Variants in ACSS2 observed in about 807,000 individuals in gnomAD.
ACSS2 encodes acetyl-coenzyme A synthetase, cytoplasmic.
A neutral mutation model predicts 90.6 loss-of-function variants in ACSS2; 58 were observed. The observed-to-expected ratio is 0.64, with a 90% CI of 0.52 to 0.80. The LOEUF (loss-of-function observed/expected upper bound fraction) is 0.80, where lower values mean the gene tolerates loss of function less well. Among genes scored for constraint, ACSS2 ranks in the 30% least tolerant of loss-of-function variants. The pLI is 0.00. For missense variants in ACSS2, 759 were observed against 912.0 expected, an observed-to-expected ratio of 0.83 and a Z score of 2.16; for synonymous variants, 300 against 330.9, an observed-to-expected ratio of 0.91 and a Z score of 1.01.
intron 1 of ACSS2, among the ~76,000 whole-genome samples, chr20:34,878,418 T>C (rs1046023874): frequency 1.6e-4 from 25 of 152,356 alleles, no homozygotes; most frequent in Non-Finnish European, 3.1e-4. Flanking sequence ...ATCTATAAGA[T>C]AGGTCTAGTA....
chr20:34,907,845 C>G (rs764786150), intron 2 of ACSS2, among the ~76,000 whole-genome samples: 18 of 152,200 alleles, frequency 1.2e-4, no homozygotes, highest in Non-Finnish European at 1.8e-4. Context: ...TTTGGCTTCT[C>G]TCATCCCTAG....
chr20:34,915,313 C>T, intron 7 of ACSS2: 1 of 1,606,690 alleles, frequency 6.2e-7, no homozygotes, highest in Non-Finnish European at 8.5e-7. Flanking sequence ...TCTGTGTGCT[C>T]ATCTGCCCTT....
Position 34,908,348 on chromosome 20 carries a change from C to T in ACSS2, c.375-4748C>T, listed in dbSNP as rs140260672. Among the ~76,000 whole-genome samples the T allele has an allele frequency of 4.1e-4, 62 of 152,276 alleles. 1 individual carries two copies. In the East Asian group the frequency reaches 0.012, roughly 28 times the overall value. On this transcript the variant is annotated intron_variant, in intron 2 of 17. Transcript: ENST00000360596. ...TCTCATTCTTACCCAACTTCTTGCT[C>T]ACTGAAATCTAGCCATACTGTCTTT...
intron 7 of ACSS2, among the ~76,000 whole-genome samples, chr20:34,919,053 T>C (rs903106503): frequency 3.3e-5 from 5 of 151,992 alleles, no homozygotes; most frequent in African/African-American, 9.7e-5. Context: ...GAAAGAAACA[T>C]GGTGTTGTGA....
chr20:34,927,333 C>G lies in ACSS2; in HGVS notation c.*119C>G. 2 of 1,378,994 alleles carry G rather than the reference C, an allele frequency of 1.5e-6. No homozygotes were observed. Among genetic ancestry groups the G allele is most frequent in the Non-Finnish European group, 2.0e-6 (2 of 1,000,950 alleles). 85.4% of individuals were successfully genotyped at this position (1,378,994 alleles called of 1,614,324 possible). On this transcript the variant is annotated 3_prime_UTR_variant, in exon 18 of 18. Coordinates refer to ENST00000360596, the MANE Select transcript of ACSS2 (RefSeq NM_018677.4). The surrounding 1 kb of genome is among the most constrained non-coding windows in gnomAD (Gnocchi z 4.2). ...ACACTACCCTCCCTTGACCAGCTGT[C>G]TGGGACCGGAAACCAGCTTTGTCTC... is the stretch of plus-strand genomic sequence containing the variant.
chr20:34,894,174 C>T (rs2080406454), intron 2 of ACSS2, among the ~76,000 whole-genome samples: 1 of 152,056 alleles, frequency 6.6e-6, no homozygotes, highest in Non-Finnish European at 1.5e-5. Flanking sequence ...TTGAGGTGTC[C>T]TCCAAACTGC....
chr20:34,896,137 G>A (rs542669028), intron 2 of ACSS2, among the ~76,000 whole-genome samples: 2 of 152,326 alleles, frequency 1.3e-5, no homozygotes, highest in South Asian at 4.1e-4. Flanking sequence ...AGGCATGTAG[G>A]CAGTGAGAAA....
intron 14 of ACSS2, 47 bp downstream of exon 14, chr20:34,923,478 C>T (rs575019181): frequency 2.3e-6 from 3 of 1,316,804 alleles, no homozygotes; most frequent in East Asian, 2.3e-5. Context: ...AAGACATGTA[C>T]CTTCCACTTC....
intron 1 of ACSS2, among the ~76,000 whole-genome samples, chr20:34,877,090 G>A (rs2079933848): frequency 6.6e-6 from 1 of 152,182 alleles, no homozygotes; most frequent in Non-Finnish European, 1.5e-5. Flanking sequence ...CGTGAGGGAA[G>A]AAGTGAGGTT....
chr20:34,881,339 C>G (rs2080068124), intron 1 of ACSS2, among the ~76,000 whole-genome samples: 1 of 151,918 alleles, frequency 6.6e-6, no homozygotes, highest in African/African-American at 2.4e-5. Flanking sequence ...GCCTGGCATC[C>G]TCTAACTCTT....
chr20:34,876,869 G>A, intron 1 of ACSS2, 46 bp downstream of exon 1: 2 of 1,225,274 alleles, frequency 1.6e-6, no homozygotes, highest in East Asian at 6.3e-5. Context: ...GAGGAGAAGA[G>A]TGGGGGCTCC....
intron 2 of ACSS2, among the ~76,000 whole-genome samples, chr20:34,884,781 G>T (rs959676977): frequency 6.6e-6 from 1 of 152,190 alleles, no homozygotes; most frequent in African/African-American, 2.4e-5. Context: ...AAAGGAGGCC[G>T]GGCATGGTGG....
At chr20:34,893,192 T>A (rs1178218233) in intron 2 of ACSS2, among the ~76,000 whole-genome samples, 1 of 151,982 alleles carries the variant, frequency 6.6e-6, no homozygotes, top group Non-Finnish European at 1.5e-5. Context: ...TTTTCCTCTT[T>A]CTCCTTTCAT....
chr20:34,923,681 T>G (rs1002334672), intron 14 of ACSS2, among the ~76,000 whole-genome samples: 1 of 152,092 alleles, frequency 6.6e-6, no homozygotes, highest in Admixed American at 6.6e-5. Flanking sequence ...GTGTTTGACA[T>G]GGCAAGAGAG....
chr20:34,920,851 C>T (rs530088975), intron 9 of ACSS2, 142 bp downstream of exon 9: 70 of 1,456,068 alleles, frequency 4.8e-5, no homozygotes, highest in Admixed American at 7.6e-5. Flanking sequence ...GAGGGGGTTG[C>T]GTATCCTGAC....
At chr20:34,876,001 G>A (rs2079898133), upstream of ACSS2, 2 of 153,062 alleles carry the variant, frequency 1.3e-5, no homozygotes, top group South Asian at 4.1e-4. Flanking sequence ...TCCGGAGGAC[G>A]AGAATGTGGG....
intron 7 of ACSS2, among the ~76,000 whole-genome samples, chr20:34,918,188 A>G (rs1412009360): frequency 1.3e-5 from 2 of 152,164 alleles, no homozygotes; most frequent in Admixed American, 6.5e-5. Flanking sequence ...ACTAGATAAT[A>G]CTTTTTTCTT....
chr20:34,920,492 G>T, intron 8 of ACSS2, 47 bp from the exon 9 acceptor site: 2 of 1,585,494 alleles, frequency 1.3e-6, no homozygotes, highest in South Asian at 2.3e-5. Flanking sequence ...TTGGTGGTCA[G>T]TAGGGGTGGG....
intron 5 of ACSS2, 23 bp downstream of exon 5, chr20:34,913,848 C>A: frequency 6.2e-7 from 1 of 1,606,416 alleles, no homozygotes; most frequent in Non-Finnish European, 8.5e-7. Context: ...CTCACCTCTT[C>A]TCCAGAACCC....
Sources: gnomAD v4.1 joint callset for allele counts (sites outside exome capture counted in the v4.1 genomes callset) on GRCh38, gnomAD v4.1.1 for gene constraint, Gnocchi (gnomAD v3.1) non-coding constraint, MANE v1.5 for transcripts, NCBI Gene and HGNC (gene_info 2026-07-23, HGNC 2026-07-21) for gene names.